Variants in HIPK2 observed in about 807,000 individuals in gnomAD.
The protein encoded by HIPK2 is homeodomain interacting protein kinase 2.
In HIPK2, 27 loss-of-function variants were observed where a neutral mutation model predicts 113.7. That is an observed-to-expected ratio of 0.24 (90% CI 0.17 to 0.33). HIPK2 has a LOEUF of 0.33. HIPK2 is among the 10% of genes least tolerant of loss of function. The pLI is 1.00. For missense variants in HIPK2, 1,257 were observed against 1,588.0 expected, an observed-to-expected ratio of 0.79 and a Z score of 3.54; for synonymous variants, 631 against 642.2, an observed-to-expected ratio of 0.98 and a Z score of 0.26.
chr7:139,582,382 G>T (rs1351036364), intron 13 of HIPK2, among the ~76,000 whole-genome samples: 1 of 152,202 alleles, frequency 6.6e-6, no homozygotes, highest in Non-Finnish European at 1.5e-5. Flanking sequence ...AGCACAGCGC[G>T]AGCTGCGTGC....
Position 139,716,673 on chromosome 7 carries a change from C to T in HIPK2, c.362G>A (p.Ser121Asn), listed in dbSNP as rs764670764. 5.0e-6 allele frequency: 8 copies of T among 1,613,796 alleles called. No homozygotes were observed. In the East Asian group the frequency reaches 8.9e-5, roughly 18 times the overall value. Reference protein sequence around the residue: ...PHNLMRRSTVSLLDTYQKCGL... With the variant: ...PHNLMRRSTVNLLDTYQKCGL... ...ACATTTTTGGTAGGTATCAAGGAGG[C>T]TCACAGTGCTTCGACGCATTAGGTT... The change falls in exon 2 of 15, where the codon AGC becomes AAC. Residue 121 changes from serine (S) to asparagine (N), a missense_variant. Physicochemically the swap from Ser to Asn is conservative, Grantham distance 46. This residue lies in a region of HIPK2 where 209 missense variants were observed against 237.8 expected (regional missense o/e 0.88). Transcript: ENST00000406875. The surrounding 1 kb of genome is among the most constrained non-coding windows in gnomAD (Gnocchi z 9.3).
chr7:139,578,496 G>A (rs1430388642), intron 13 of HIPK2, among the ~76,000 whole-genome samples: 1 of 152,148 alleles, frequency 6.6e-6, no homozygotes, highest in African/African-American at 2.4e-5. Context: ...CTTTGCCCAG[G>A]AAAAAGGGAG....
intron 2 of HIPK2, among the ~76,000 whole-genome samples, chr7:139,659,125 C>T (rs760710587): frequency 2.0e-5 from 3 of 152,088 alleles, no homozygotes; most frequent in African/African-American, 7.2e-5. Flanking sequence ...GCAAGGGGGC[C>T]GGGAGGGATT....
intron 11 of HIPK2, among the ~76,000 whole-genome samples, chr7:139,599,055 G>T (rs545460376): frequency 1.3e-5 from 2 of 152,116 alleles, no homozygotes; most frequent in African/African-American, 2.4e-5. Flanking sequence ...CCTAGTTTCT[G>T]GTATCTGCTT....
At chr7:139,664,161 C>A (rs1258455397) in intron 2 of HIPK2, among the ~76,000 whole-genome samples, 1 of 152,094 alleles carries the variant, frequency 6.6e-6, no homozygotes, top group Non-Finnish European at 1.5e-5. Context: ...AACCAACCAA[C>A]CAAATATCTC....
chr7:139,700,591 C>A (rs1484703944), intron 2 of HIPK2, among the ~76,000 whole-genome samples: 1 of 152,136 alleles, frequency 6.6e-6, no homozygotes, highest in African/African-American at 2.4e-5. Context: ...GAAATCTGCA[C>A]GTTTACAGTT....
chr7:139,689,497 T>C (rs1298262724), intron 2 of HIPK2, among the ~76,000 whole-genome samples: 2 of 152,220 alleles, frequency 1.3e-5, no homozygotes, highest in Non-Finnish European at 2.9e-5. Context: ...ACAACATCAT[T>C]TATATGTATT....
chr7:139,697,194 G>A (rs1794591328), intron 2 of HIPK2, among the ~76,000 whole-genome samples: 1 of 152,168 alleles, frequency 6.6e-6, no homozygotes, highest in East Asian at 1.9e-4. Flanking sequence ...CTGCCTCGCT[G>A]TGCACACTAC....
At chr7:139,628,482 G>A (rs1380986748) in intron 5 of HIPK2, among the ~76,000 whole-genome samples, 1 of 152,138 alleles carries the variant, frequency 6.6e-6, no homozygotes, top group African/African-American at 2.4e-5. Context: ...TGATCTTGTT[G>A]TCCAGGCTGG....
intron 1 of HIPK2, chr7:139,722,067 G>C (rs1795426372): frequency 2.1e-6 from 1 of 472,998 alleles, no homozygotes; most frequent in African/African-American, 2.0e-5. Context: ...TCTCAGATAT[G>C]CATGGGGTTC....
chr7:139,662,926 C>A (rs977721542), intron 2 of HIPK2, among the ~76,000 whole-genome samples: 14 of 152,104 alleles, frequency 9.2e-5, no homozygotes, highest in Admixed American at 8.5e-4. Context: ...GCCTAAAATG[C>A]CACTTTCTTC....
At chr7:139,749,003 T>C (rs150375662) in intron 1 of HIPK2, among the ~76,000 whole-genome samples, 13 of 152,354 alleles carry the variant, frequency 8.5e-5, no homozygotes, top group African/African-American at 2.9e-4. Context: ...CTATCCTCGA[T>C]TTAACAAGGT....
chr7:139,702,934 C>G (rs1206282822), intron 2 of HIPK2, among the ~76,000 whole-genome samples: 1 of 152,170 alleles, frequency 6.6e-6, no homozygotes, highest in East Asian at 1.9e-4. Context: ...TGCATGCTAT[C>G]AATGCTTCCT....
intron 5 of HIPK2, among the ~76,000 whole-genome samples, chr7:139,628,644 G>C (rs1290391443): frequency 6.6e-6 from 1 of 152,182 alleles, no homozygotes; most frequent in East Asian, 1.9e-4. Context: ...ATGTTGGCCA[G>C]GCTGGTCTTG....
At chr7:139,713,375 G>A (rs563694199) in intron 2 of HIPK2, among the ~76,000 whole-genome samples, 8 of 152,192 alleles carry the variant, frequency 5.3e-5, no homozygotes, top group South Asian at 2.1e-4. Flanking sequence ...CCGATTTTGC[G>A]ACCTGTCTCC....
At chr7:139,752,743 A>G (rs927853100) in intron 1 of HIPK2, among the ~76,000 whole-genome samples, 1 of 152,048 alleles carries the variant, frequency 6.6e-6, no homozygotes, top group South Asian at 2.1e-4. Flanking sequence ...AAAAAAAAGA[A>G]AAAGAGAAAG....
At chr7:139,724,607 TG>T (rs2116995280) in intron 1 of HIPK2, among the ~76,000 whole-genome samples, 1 of 152,040 alleles carries the variant, frequency 6.6e-6, no homozygotes, top group Non-Finnish European at 1.5e-5. Flanking sequence ...TGTATACATG[TG>T]CCATGCTGGT....
intron 2 of HIPK2, among the ~76,000 whole-genome samples, chr7:139,638,726 T>C (rs1460110617): frequency 1.3e-5 from 2 of 151,116 alleles, no homozygotes; most frequent in Non-Finnish European, 2.9e-5. Flanking sequence ...GGCGCGATCT[T>C]GGCTCACTGC....
At position 139,613,134 on chromosome 7, in the gene HIPK2, A is replaced by G. The variant is rs1232502595; in HGVS notation, c.2112+68T>C. 1.3e-5 allele frequency: 21 copies of G among 1,579,630 alleles called. No homozygotes were observed. The highest frequency in any genetic ancestry group is 2.7e-5 in the African/African-American group (2 of 74,180). ...CTAGGGAGAGAGGGAGTGGAGATATATATCTTTTGTGAACAACATTAACAC... is the reference window on the plus strand; with the variant it reads ...CTAGGGAGAGAGGGAGTGGAGATATGTATCTTTTGTGAACAACATTAACAC... On this transcript the variant is annotated intron_variant, in intron 9 of 14. Coordinates refer to ENST00000406875, the MANE Select transcript of HIPK2 (RefSeq NM_022740.5). The surrounding 1 kb of genome is among the most constrained non-coding windows in gnomAD (Gnocchi z 4.2).
Sources: allele counts gnomAD v4.1 joint callset (sites outside exome capture counted in the v4.1 genomes callset), GRCh38; gene constraint gnomAD v4.1.1; regional missense constraint gnomAD v4.1.1; non-coding constraint Gnocchi (gnomAD v3.1); transcripts MANE v1.5; gene names NCBI Gene and HGNC (gene_info 2026-07-23, HGNC 2026-07-21).